Variants in TOM1L2 observed in about 807,000 individuals in gnomAD.
TOM1L2 encodes the protein TOM1-like protein 2.
Under a neutral mutation model 67.9 loss-of-function variants are expected in TOM1L2, and 31 were observed. The observed-to-expected ratio is 0.46, with a 90% CI of 0.34 to 0.62. The LOEUF (loss-of-function observed/expected upper bound fraction) is 0.62. TOM1L2 is among the 20% of genes least tolerant of loss of function. The pLI is 0.01. For synonymous variants in TOM1L2, 256 were observed against 254.0 expected (o/e 1.01, Z -0.07); for missense variants, 606 against 663.5 (o/e 0.91, Z 0.95).
At chr17:17,925,066 G>A (rs1175452061) in intron 1 of TOM1L2, among the ~76,000 whole-genome samples, 8 of 152,108 alleles carry the variant, frequency 5.3e-5, no homozygotes, top group Non-Finnish European at 1.0e-4. Context: ...ACCATGTGAG[G>A]TGCCTGCTCT....
intron 2 of TOM1L2, among the ~76,000 whole-genome samples, chr17:17,901,655 T>C (rs1276533473): frequency 6.6e-6 from 1 of 152,186 alleles, no homozygotes; most frequent in Non-Finnish European, 1.5e-5. Context: ...GCCCTCCCCA[T>C]TATTATCTTG....
At chr17:17,884,586 A>C (rs2037895590) in intron 5 of TOM1L2, 48 bp downstream of exon 5, 1 of 1,610,524 alleles carries the variant, frequency 6.2e-7, no homozygotes, top group African/African-American at 1.3e-5. Context: ...AGCTTGGCTC[A>C]CCCGTTCTGC....
chr17:17,881,908 A>C (rs2037743985), intron 6 of TOM1L2, among the ~76,000 whole-genome samples: 1 of 152,244 alleles, frequency 6.6e-6, no homozygotes, highest in Non-Finnish European at 1.5e-5. Flanking sequence ...TTCCACAGTC[A>C]TGACATTGTC....
At chr17:17,964,993 AT>A (rs1359748933) in intron 1 of TOM1L2, among the ~76,000 whole-genome samples, 2 of 152,136 alleles carry the variant, frequency 1.3e-5, no homozygotes, top group African/African-American at 4.8e-5. Context: ...CTTCTTCTCA[AT>A]GCTCCATCAA....
chr17:17,964,283 AT>A (rs2145049284), intron 1 of TOM1L2, among the ~76,000 whole-genome samples: 1 of 152,300 alleles, frequency 6.6e-6, no homozygotes, highest in South Asian at 2.1e-4. Context: ...TTTCTGGGTG[AT>A]TTATCTGCTA....
intron 1 of TOM1L2, among the ~76,000 whole-genome samples, chr17:17,971,042 G>C (rs2042053408): frequency 1.3e-5 from 2 of 152,040 alleles, no homozygotes; most frequent in South Asian, 4.1e-4. Context: ...CTACACTTTG[G>C]GCTTTCCTTA....
intron 1 of TOM1L2, among the ~76,000 whole-genome samples, chr17:17,968,796 G>A (rs552352287): frequency 6.6e-6 from 1 of 152,036 alleles, no homozygotes; most frequent in African/African-American, 2.4e-5. Flanking sequence ...ACTCACAGAT[G>A]TGCCTGTGCC....
intron 13 of TOM1L2, among the ~76,000 whole-genome samples, chr17:17,849,844 G>A (rs1171476123): frequency 5.3e-5 from 8 of 152,166 alleles, no homozygotes; most frequent in Admixed American, 2.0e-4. Flanking sequence ...ATTTCTTTTC[G>A]AGACAGCCCC....
In TOM1L2 at chr17:17,943,029, G is replaced by T. The variant is rs898305920; in HGVS notation, c.52+29233C>A. ...TTCAAAATAATGCAGAGTGGGAGGG[G>T]AGGATGATTAGATGAAACAAGATTG... On this transcript the variant is annotated intron_variant, in intron 1 of 14. Coordinates refer to ENST00000379504, the MANE Select transcript of TOM1L2 (RefSeq NM_001082968.2). 2.6e-5 allele frequency among the ~76,000 whole-genome samples: 4 copies of T among 152,148 alleles called. No homozygotes were observed. In the East Asian group the frequency reaches 7.7e-4, roughly 29 times the overall value.
At chr17:17,946,945 G>C (rs747378720) in intron 1 of TOM1L2, among the ~76,000 whole-genome samples, 46 of 152,124 alleles carry the variant, frequency 3.0e-4, no homozygotes, top group Non-Finnish European at 6.5e-4. Context: ...GGCTGGTCTC[G>C]AGCTCCTGAC....
At chr17:17,881,531 G>A (rs962106324) in intron 6 of TOM1L2, among the ~76,000 whole-genome samples, 5 of 152,182 alleles carry the variant, frequency 3.3e-5, no homozygotes, top group African/African-American at 1.2e-4. Context: ...AGCAGGAAGG[G>A]CACAGTTCTG....
At position 17,957,498 on chromosome 17, in the gene TOM1L2, T is replaced by C. The variant is rs1021084842; in HGVS notation, c.52+14764A>G. Among the ~76,000 whole-genome samples, 24 of 152,244 alleles carry C rather than the reference T, an allele frequency of 1.6e-4. No individual in the cohort carries two copies. The East Asian group carries it at 4.6e-3, about 29-fold the overall frequency. ...TCTGGGGTGAGGTTGACAGTGCGTA[T>C]CTTGATGGGGTAAGGTGACAACATG... On this transcript the variant is annotated intron_variant, in intron 1 of 14. Coordinates refer to ENST00000379504, the MANE Select transcript of TOM1L2 (RefSeq NM_001082968.2).
chr17:17,873,787 T>G (rs2037275095), intron 7 of TOM1L2, among the ~76,000 whole-genome samples: 1 of 152,170 alleles, frequency 6.6e-6, no homozygotes, highest in Non-Finnish European at 1.5e-5. Context: ...GCTGCATTCA[T>G]GAGGAAGTTT....
intron 4 of TOM1L2, among the ~76,000 whole-genome samples, chr17:17,891,200 G>T (rs1351591132): frequency 6.6e-6 from 1 of 152,254 alleles, no homozygotes; most frequent in Non-Finnish European, 1.5e-5. Flanking sequence ...CAGACCAGCA[G>T]GGGGAGGCCT....
At chr17:17,855,975 AC>A (rs1372835061) in intron 12 of TOM1L2, among the ~76,000 whole-genome samples, 3 of 147,926 alleles carry the variant, frequency 2.0e-5, no homozygotes, top group Non-Finnish European at 3.0e-5. Context: ...AAAAAAAAAA[AC>A]AAACTGCAGT....
Position 17,955,821 on chromosome 17 carries a change from T to C in TOM1L2, c.52+16441A>G, listed in dbSNP as rs564091654. Among the ~76,000 whole-genome samples the C allele has an allele frequency of 5.2e-4, 79 of 152,298 alleles. 2 individuals carry two copies. Among genetic ancestry groups the C allele is most frequent in the Admixed American group, 3.9e-4 (6 of 15,294 alleles). On this transcript the variant is annotated intron_variant, in intron 1 of 14. Transcript: ENST00000379504. ...TGTTCCTTCTGATGTTCAGCTGTGT[T>C]CTGAGTTTCTTCCTCCTGGTGGGTT...
chr17:17,902,582 G>T (rs1227598409), intron 2 of TOM1L2, among the ~76,000 whole-genome samples: 1 of 152,238 alleles, frequency 6.6e-6, no homozygotes, highest in Non-Finnish European at 1.5e-5. Flanking sequence ...GGGGTAGGGG[G>T]CGCTGCTTGT....
rs1230390557 is a variant in TOM1L2, at chr17:17,862,754, G to A, written c.1179C>T (p.Asn393=). ...GFDMFAQTRG[N]SLAEQRKTVT... Reference sequence around the variant, plus strand: ...ACGTCTTGCGCTGCTCAGCCAAGGAGTTTCCTCTCGTCTGGGCAAACATGT... The same window carrying A: ...ACGTCTTGCGCTGCTCAGCCAAGGAATTTCCTCTCGTCTGGGCAAACATGT... The change falls in exon 11 of 15, where the codon AAC becomes AAT. Residue 393 remains asparagine, a synonymous_variant. Coordinates refer to ENST00000379504, the MANE Select transcript of TOM1L2 (RefSeq NM_001082968.2). The A allele has an allele frequency of 6.2e-7, 1 of 1,613,788 alleles. No individual in the cohort carries two copies.
intron 11 of TOM1L2, 98 bp downstream of exon 11, chr17:17,862,633 G>T: frequency 9.8e-7 from 1 of 1,015,446 alleles, no homozygotes. Context: ...GGCAGTCCTG[G>T]ACATGGTAAA....
Sources: gnomAD v4.1 joint callset for allele counts (sites outside exome capture counted in the v4.1 genomes callset) on GRCh38, gnomAD v4.1.1 for gene constraint, MANE v1.5 for transcripts, NCBI Gene and HGNC (gene_info 2026-07-23, HGNC 2026-07-21) for gene names.